CLMN: variants seen among roughly 807,000 people sequenced by gnomAD.
CLMN encodes calmin (calponin-like, transmembrane).
In CLMN, 57 loss-of-function variants were observed where a neutral mutation model predicts 92.7. The ratio of observed to expected loss-of-function variants is 0.61; its 90% CI spans 0.50 to 0.77. The LOEUF (loss-of-function observed/expected upper bound fraction) is 0.77. Ranked by LOEUF, CLMN falls within the 30% of genes least tolerant of loss-of-function variation. The probability of loss-of-function intolerance (pLI) is 0.00; values close to 1 mark genes in which losing one functional copy is unlikely to be tolerated. For synonymous variants in CLMN, 466 were observed against 470.6 expected, an observed-to-expected ratio of 0.99 and a Z score of 0.13; for missense variants, 1,158 against 1,237.5, an observed-to-expected ratio of 0.94 and a Z score of 0.96.
chr14:95,275,450 C>A (rs1325786427), intron 1 of CLMN, among the ~76,000 whole-genome samples: 2 of 152,160 alleles, frequency 1.3e-5, no homozygotes, highest in Admixed American at 1.3e-4. Context: ...CCCACCAGCA[C>A]CATGACAGTT....
At chr14:95,198,797 G>A (rs764646981) in intron 9 of CLMN, among the ~76,000 whole-genome samples, 3 of 152,186 alleles carry the variant, frequency 2.0e-5, no homozygotes, top group Non-Finnish European at 4.4e-5. Flanking sequence ...GGCAATTGCT[G>A]GAAGGAAAGC....
chr14:95,211,821 T>C (rs1897207755), intron 6 of CLMN, among the ~76,000 whole-genome samples: 1 of 152,174 alleles, frequency 6.6e-6, no homozygotes, highest in Non-Finnish European at 1.5e-5. Flanking sequence ...ACACCAATAC[T>C]GGTCCAAGAC....
rs984038170 is a variant in CLMN at position 95,204,035 on chromosome 14, G to A, written c.1314C>T (p.Cys438=). The A allele has an allele frequency of 3.1e-6, 5 of 1,614,072 alleles. No homozygotes were observed. In the East Asian group the frequency reaches 8.9e-5, roughly 29 times the overall value. The part of the protein sequence containing the change: ...FEADTYKDPF[C]SKNLSLCFEG... ...CAAAGCAAAGGGACAGGTTCTTACT[G>A]CAGAAAGGATCCTTGTAGGTGTCAG... The change falls in exon 9 of 13, where the codon TGC becomes TGT. Residue 438 remains cysteine (C), a synonymous_variant. Transcript: ENST00000298912.
At chr14:95,273,167 A>T (rs949053281) in intron 1 of CLMN, among the ~76,000 whole-genome samples, 1 of 152,194 alleles carries the variant, frequency 6.6e-6, no homozygotes, top group African/African-American at 2.4e-5. Context: ...GCAAATTGTG[A>T]TGGAAAGGAC....
intron 9 of CLMN, 85 bp from the exon 10 acceptor site, chr14:95,196,779 G>A (rs570472851): frequency 2.3e-6 from 3 of 1,321,544 alleles, no homozygotes; most frequent in East Asian, 2.3e-5. Context: ...GCTCTGCCCA[G>A]GCCCAGCCAG....
chr14:95,233,038 A>T (rs557522820), intron 1 of CLMN, among the ~76,000 whole-genome samples: 13 of 152,136 alleles, frequency 8.5e-5, no homozygotes, highest in Non-Finnish European at 1.9e-4. Context: ...GCTACTTCCA[A>T]ATTGCCCTCC....
At chr14:95,235,546 C>T (rs1337281128) in intron 1 of CLMN, among the ~76,000 whole-genome samples, 2 of 152,154 alleles carry the variant, frequency 1.3e-5, no homozygotes, top group Non-Finnish European at 2.9e-5. Context: ...TGAGATATTG[C>T]AAAGGGAATG....
chr14:95,204,087 G>C lies in CLMN; in HGVS notation c.1262C>G (p.Pro421Arg). 1 of 1,614,012 alleles carries C rather than the reference G, an allele frequency of 6.2e-7. No individual in the cohort carries two copies. Among genetic ancestry groups the C allele is most frequent in the Admixed American group, 1.7e-5 (1 of 60,022 alleles). The change falls in exon 9 of 13, where the codon CCG becomes CGG. Residue 421 changes from proline (P) to arginine (R), a missense_variant. By Grantham distance (103) the Pro-to-Arg change is moderately radical (BLOSUM62 -2). Coordinates refer to ENST00000298912, the MANE Select transcript of CLMN (RefSeq NM_024734.4). The stretch of plus-strand genomic sequence containing the variant: ...CTCAAAGTGAACTGTTTTCTTGATC[G>C]GCAAAGAGTTGGACCTCCCGTTCTC... ...RKENGRSNSL[P>R]IKKTVHFEAD... is the part of the protein sequence containing the mutation.
intron 1 of CLMN, among the ~76,000 whole-genome samples, chr14:95,289,067 A>T (rs1198011229): frequency 6.6e-6 from 1 of 152,190 alleles, no homozygotes; most frequent in African/African-American, 2.4e-5. Context: ...GCACAGAGAG[A>T]GCTGCTTGTG....
At chr14:95,284,416 C>T (rs891817623) in intron 1 of CLMN, among the ~76,000 whole-genome samples, 22 of 152,132 alleles carry the variant, frequency 1.4e-4, no homozygotes, top group African/African-American at 4.8e-4. Context: ...AAAAGAGGGC[C>T]ACCATCTTCC....
At chr14:95,297,637 T>C (rs577111578) in intron 1 of CLMN, among the ~76,000 whole-genome samples, 2 of 152,352 alleles carry the variant, frequency 1.3e-5, no homozygotes, top group Admixed American at 6.5e-5. Flanking sequence ...ATCTAGCTTC[T>C]TCCACGTAGT....
At chr14:95,215,528 A>G (rs1897311649) in intron 5 of CLMN, 113 bp downstream of exon 5, 1 of 824,426 alleles carries the variant, frequency 1.2e-6, no homozygotes, top group Non-Finnish European at 2.0e-6. Flanking sequence ...AAAAGATAAA[A>G]TCTGCCATAA....
At chr14:95,245,394 A>T (rs1170952344) in intron 1 of CLMN, among the ~76,000 whole-genome samples, 3 of 147,618 alleles carry the variant, frequency 2.0e-5, no homozygotes, top group Non-Finnish European at 4.5e-5. Flanking sequence ...ATGCATAAGT[A>T]GGCAGAATGT....
At position 95,245,189 on chromosome 14, in the gene CLMN, T is replaced by TA. The variant is rs1182020958; in HGVS notation, c.83-15057dup. ...ACTGGTTATATTATATATATATATA[T>TA]ATATAATATATATATATATTATATA... On this transcript the variant is annotated intron_variant, in intron 1 of 12. Coordinates refer to ENST00000298912, the MANE Select transcript of CLMN (RefSeq NM_024734.4). Among the ~76,000 whole-genome samples, 20 of 38,072 alleles carry TA rather than the reference T, an allele frequency of 5.3e-4. 2 individuals carry two copies. Among genetic ancestry groups the TA allele is most frequent in the African/African-American group, 2.4e-3 (20 of 8,242 alleles). 25.0% of individuals were successfully genotyped at this position (38,072 alleles called of 152,430 possible). A position where few individuals can be genotyped will look rare whatever the true frequency, so the allele number is the denominator to read the frequency against.
At chr14:95,217,220 G>A (rs1393612536) in intron 4 of CLMN, among the ~76,000 whole-genome samples, 1 of 152,202 alleles carries the variant, frequency 6.6e-6, no homozygotes. Flanking sequence ...TGGTAGACTG[G>A]GGAAAGAGAA....
At chr14:95,201,389 A>G (rs1010346180) in intron 9 of CLMN, among the ~76,000 whole-genome samples, 4 of 150,994 alleles carry the variant, frequency 2.6e-5, no homozygotes, top group Admixed American at 2.6e-4. Flanking sequence ...GCCTTCCATC[A>G]TTCCCCACGA....
intron 1 of CLMN, among the ~76,000 whole-genome samples, chr14:95,267,280 G>C (rs1010829360): frequency 6.6e-6 from 1 of 152,164 alleles, no homozygotes; most frequent in Admixed American, 6.5e-5. Context: ...CCATCCATCT[G>C]ATAAGGGATT....
At position 95,203,644 on chromosome 14, in the gene CLMN, C is replaced by T. The variant is rs749650604; in HGVS notation, c.1705G>A (p.Asp569Asn). ...IPLKASKFNS[D>N]LIDFASTSQA... ...CTGGTAGAAGCAAAATCTATTAGGT[C>T]GCTGTTAAATTTTGAGGCTTTTAAT... Residue 569 changes from aspartate to asparagine, a missense_variant, in exon 9 of 13, where the codon GAC becomes AAC. By Grantham distance (23) the Asp-to-Asn change is conservative. Coordinates refer to ENST00000298912, the MANE Select transcript of CLMN (RefSeq NM_024734.4). The T allele has an allele frequency of 2.6e-5, 42 of 1,613,952 alleles. No homozygotes were observed. The highest frequency in any genetic ancestry group is 3.1e-5 in the Non-Finnish European group (36 of 1,180,046).
At chr14:95,268,988 G>A (rs1899599245) in intron 1 of CLMN, among the ~76,000 whole-genome samples, 1 of 151,572 alleles carries the variant, frequency 6.6e-6, no homozygotes, top group South Asian at 2.1e-4. Context: ...ATTTTTAGCA[G>A]AGACAGGGTT....
Sources: gnomAD v4.1 joint callset for allele counts (sites outside exome capture counted in the v4.1 genomes callset) on GRCh38, gnomAD v4.1.1 for gene constraint, MANE v1.5 for transcripts, NCBI Gene and HGNC (gene_info 2026-07-23, HGNC 2026-07-21) for gene names.